ADAMTS9: variants seen among roughly 807,000 people sequenced by gnomAD.
The protein encoded by ADAMTS9 is ADAM metallopeptidase with thrombospondin type 1 motif 9.
Under a neutral mutation model 257.1 loss-of-function variants are expected in ADAMTS9, and 107 were observed. That is an observed-to-expected ratio of 0.42 (90% CI 0.36 to 0.49). The LOEUF is 0.49. Ranked by LOEUF, ADAMTS9 falls within the 20% of genes least tolerant of loss-of-function variation. ADAMTS9 has a pLI of 0.03. For missense variants in ADAMTS9, 2,353 were observed against 2,469.1 expected, an observed-to-expected ratio of 0.95 and a Z score of 1.00; for synonymous variants, 982 against 880.9, an observed-to-expected ratio of 1.11 and a Z score of -2.03.
intron 10 of ADAMTS9, among the ~76,000 whole-genome samples, 187 bp from the exon 11 acceptor site, chr3:64,648,231 G>C (rs561208223): frequency 5.8e-4 from 89 of 152,228 alleles, no homozygotes; most frequent in Middle Eastern, 3.4e-3. Flanking sequence ...TCTATCCCTG[G>C]TAATGGATAC....
intron 37 of ADAMTS9, among the ~76,000 whole-genome samples, chr3:64,537,697 C>A (rs1271663148): frequency 6.6e-6 from 1 of 152,134 alleles, no homozygotes; most frequent in Non-Finnish European, 1.5e-5. Flanking sequence ...GTCACAGAAT[C>A]CCAGTCTTCA....
rs1442519017 is a variant in ADAMTS9 at position 64,687,496 on chromosome 3, A to T, written c.115+47T>A. On this transcript the variant is annotated intron_variant, in intron 1 of 39. Transcript: ENST00000498707. This position sits in a 1 kb window ranked among gnomAD's most constrained non-coding sequence, Gnocchi z 4.4. ...CCCCTGCCCAGGAGCGAGGACCGGG[A>T]GGCGGCGTCGGGGCCGGCGGGGTCC... 7.0e-7 allele frequency: 1 copy of T among 1,432,998 alleles called. No individual in the cohort carries two copies. The highest frequency in any genetic ancestry group is 1.4e-5 in the South Asian group (1 of 73,398). The allele number at this position is 1,432,998 out of a possible 1,614,324, so 88.8% of individuals were successfully genotyped here. A position where few individuals can be genotyped will look rare whatever the true frequency, so the allele number is the denominator to read the frequency against.
intron 26 of ADAMTS9, 139 bp downstream of exon 26, chr3:64,601,805 G>A: frequency 2.9e-6 from 3 of 1,035,702 alleles, no homozygotes; most frequent in Non-Finnish European, 4.1e-6. Context: ...CCCATTACAA[G>A]TTACTCAAAG....
At chr3:64,631,765 T>C (rs1168452891) in intron 15 of ADAMTS9, 43 bp downstream of exon 15, 1 of 1,529,892 alleles carries the variant, frequency 6.5e-7, no homozygotes, top group South Asian at 1.1e-5. Context: ...TTTTCAAACT[T>C]TGACCATATT....
chr3:64,539,148 C>G, intron 37 of ADAMTS9, 55 bp downstream of exon 37: 1 of 1,519,912 alleles, frequency 6.6e-7, no homozygotes, highest in South Asian at 1.1e-5. Context: ...TGAGGATGTT[C>G]CCGGGAAAGG....
At chr3:64,608,415 C>A (rs186700956) in intron 22 of ADAMTS9, among the ~76,000 whole-genome samples, 5 of 151,608 alleles carry the variant, frequency 3.3e-5, no homozygotes, top group African/African-American at 1.2e-4. Context: ...TTAGCTAGCA[C>A]GACTAAGAAA....
intron 4 of ADAMTS9, 123 bp from the exon 5 acceptor site, chr3:64,655,998 G>A: frequency 1.7e-6 from 1 of 596,156 alleles, no homozygotes; most frequent in East Asian, 2.9e-5. Context: ...TTTTGTGGTT[G>A]TGAATTTTTC....
intron 37 of ADAMTS9, among the ~76,000 whole-genome samples, chr3:64,536,646 A>C (rs954815360): frequency 2.0e-5 from 3 of 152,244 alleles, no homozygotes; most frequent in South Asian, 2.1e-4. Flanking sequence ...AATCCTCCCA[A>C]TTTCTACTCC....
At chr3:64,583,461 T>A (rs1275733186) in intron 28 of ADAMTS9, 2 of 152,226 alleles carry the variant, frequency 1.3e-5, no homozygotes, top group African/African-American at 2.4e-5. Context: ...AGCTTTCGCT[T>A]TTGAATGAGG....
chr3:64,579,196 G>A (rs958942407), intron 28 of ADAMTS9, among the ~76,000 whole-genome samples: 9 of 152,112 alleles, frequency 5.9e-5, no homozygotes, highest in African/African-American at 2.2e-4. Context: ...CTCTGTTCTA[G>A]CCACATTAGT....
chr3:64,519,631 AG>A (rs1278113335), intron 39 of ADAMTS9, among the ~76,000 whole-genome samples: 1 of 152,222 alleles, frequency 6.6e-6, no homozygotes, highest in Non-Finnish European at 1.5e-5. Flanking sequence ...TTGGCAGGCA[AG>A]GATCATTCAA....
rs978961315 is a variant in ADAMTS9 at position 64,687,175 on chromosome 3, C to T, written c.116-207G>A. Among the ~76,000 whole-genome samples the T allele has an allele frequency of 1.1e-4, 16 of 152,088 alleles. No individual in the cohort carries two copies. The highest frequency in any genetic ancestry group is 3.9e-4 in the African/African-American group (16 of 41,396). On this transcript the variant is annotated intron_variant, in intron 1 of 39. Coordinates refer to ENST00000498707, the MANE Select transcript of ADAMTS9 (RefSeq NM_182920.2). The surrounding 1 kb of genome is among the most constrained non-coding windows in gnomAD (Gnocchi z 4.4). ...GCTAGGTGCTGAGGATACACTATTC[C>T]GAGCCAGACAATTAACAAGTCAAAA...
intron 28 of ADAMTS9, chr3:64,583,719 C>G (rs534455217): frequency 1.3e-5 from 2 of 152,250 alleles, no homozygotes; most frequent in African/African-American, 4.8e-5. Context: ...TCAGAAAGTC[C>G]TTCAGCAAGT....
At chr3:64,581,293 A>G (rs2083992762) in intron 28 of ADAMTS9, among the ~76,000 whole-genome samples, 1 of 152,210 alleles carries the variant, frequency 6.6e-6, no homozygotes, top group South Asian at 2.1e-4. Context: ...TCATTCATTC[A>G]GAGCAGTGAG....
Position 64,636,507 on chromosome 3 carries a change from A to C in ADAMTS9, c.1857-2628T>G, listed in dbSNP as rs75805361. ...TAGTGAGGGTTAACTAGATTAATAC[A>C]TTCAAAGCACTTGCACAAAGTGTGG... On this transcript the variant is annotated intron_variant, in intron 12 of 39. Coordinates refer to ENST00000498707, the MANE Select transcript of ADAMTS9 (RefSeq NM_182920.2). Among the ~76,000 whole-genome samples, 518 of 152,348 alleles carry C rather than the reference A, an allele frequency of 3.4e-3. 14 individuals carry two copies. The East Asian group carries it at 0.045, about 13-fold the overall frequency.
Position 64,604,231 on chromosome 3 carries a change from G to T in ADAMTS9, c.3575C>A (p.Thr1192Asn), listed in dbSNP as rs373668524. The T allele has an allele frequency of 1.9e-6, 3 of 1,612,320 alleles. No individual in the cohort carries two copies. The highest frequency in any genetic ancestry group is 2.7e-5 in the African/African-American group (2 of 74,796). Reference protein sequence around the residue: ...PRTQWRFGSWTPCSATCGKGT... With the variant: ...PRTQWRFGSWNPCSATCGKGT... ...TTCTCCCAGTCTATTTCTTACTGGG[G>T]TCCAAGACCCAAATCGCCACTGGGT... The change falls in exon 24 of 40, where the codon ACC becomes AAC. Residue 1192 changes from threonine (T) to asparagine (N), a missense_variant. This residue lies in a region of ADAMTS9 where 1,402 missense variants were observed against 1,441.4 expected (regional missense o/e 0.97). Transcript: ENST00000498707.
intron 28 of ADAMTS9, among the ~76,000 whole-genome samples, chr3:64,569,289 C>G (rs1277827351): frequency 1.3e-5 from 2 of 152,112 alleles, no homozygotes; most frequent in Non-Finnish European, 2.9e-5. Flanking sequence ...AAGAGGCTGG[C>G]CCCAGTGAGT....
chr3:64,684,167 G>A (rs892975018), intron 2 of ADAMTS9, among the ~76,000 whole-genome samples: 5 of 152,170 alleles, frequency 3.3e-5, no homozygotes, highest in African/African-American at 1.2e-4. Context: ...CTGGACATGT[G>A]GATGTGAGTG....
At chr3:64,615,836 C>A in intron 20 of ADAMTS9, 124 bp downstream of exon 20, 1 of 1,136,318 alleles carries the variant, frequency 8.8e-7, no homozygotes, top group Non-Finnish European at 1.3e-6. Context: ...TGGGGTCAGG[C>A]ATTACAAATC....
Sources: allele counts gnomAD v4.1 joint callset (sites outside exome capture counted in the v4.1 genomes callset), GRCh38; gene constraint gnomAD v4.1.1; regional missense constraint gnomAD v4.1.1; non-coding constraint Gnocchi (gnomAD v3.1); transcripts MANE v1.5; gene names NCBI Gene and HGNC (gene_info 2026-07-23, HGNC 2026-07-21).